Variants in USP13 observed in about 807,000 individuals in gnomAD.
USP13 encodes the protein ubiquitin carboxyl-terminal hydrolase 13.
Under a neutral mutation model 107.8 loss-of-function variants are expected in USP13, and 68 were observed. The observed-to-expected ratio is 0.63, with a 90% CI of 0.52 to 0.77. The LOEUF is 0.77. Ranked by LOEUF, USP13 falls within the 30% of genes least tolerant of loss-of-function variation. The pLI, the probability that USP13 is intolerant of heterozygous loss-of-function variation, is 0.00. For synonymous variants in USP13, 377 were observed against 389.5 expected, an observed-to-expected ratio of 0.97 and a Z score of 0.38; for missense variants, 945 against 1,093.3, an observed-to-expected ratio of 0.86 and a Z score of 1.91.
In USP13 at chr3:179,781,813, A is replaced by G; in HGVS notation, c.2488A>G (p.Lys830Glu). ...MSGHYICHIK[K>E]EGRWVIYNDH... The stretch of plus-strand genomic sequence containing the variant: ...TGGTCATTACATTTGCCATATCAAA[A>G]AGGAAGGAAGGTGAGTCATTTTTAG... Residue 830 changes from lysine (K) to glutamate (E), a missense_variant, in exon 20 of 21, where the codon AAG becomes GAG. Coordinates refer to ENST00000263966, the MANE Select transcript of USP13 (RefSeq NM_003940.3). 6.2e-7 allele frequency: 1 copy of G among 1,613,998 alleles called. No individual in the cohort carries two copies. The highest frequency in any genetic ancestry group is 8.5e-7 in the Non-Finnish European group (1 of 1,179,894).
chr3:179,668,901 T>C (rs1248906736), intron 1 of USP13, among the ~76,000 whole-genome samples: 1 of 152,234 alleles, frequency 6.6e-6, no homozygotes, highest in African/African-American at 2.4e-5. Context: ...AACTCTTGTC[T>C]GGTTTGCTCT....
chr3:179,735,057 T>G (rs1713944358), intron 10 of USP13, among the ~76,000 whole-genome samples: 1 of 152,196 alleles, frequency 6.6e-6, no homozygotes. Flanking sequence ...GTTTTGCAAT[T>G]GCTGATGGAG....
At chr3:179,760,881 A>G (rs747768272) in intron 16 of USP13, among the ~76,000 whole-genome samples, 21 of 152,246 alleles carry the variant, frequency 1.4e-4, no homozygotes, top group African/African-American at 3.4e-4. Context: ...CATTGCTTGC[A>G]TTGTCCAGGT....
chr3:179,771,402 A>C (rs978639010), intron 19 of USP13, among the ~76,000 whole-genome samples: 22 of 152,190 alleles, frequency 1.4e-4, no homozygotes, highest in African/African-American at 4.8e-4. Context: ...GACATCTTCC[A>C]TCCTCTCACC....
intron 1 of USP13, among the ~76,000 whole-genome samples, chr3:179,662,004 T>A (rs1355428897): frequency 6.6e-6 from 1 of 152,190 alleles, no homozygotes; most frequent in African/African-American, 2.4e-5. Flanking sequence ...ACATCCTGAG[T>A]TCCTGAACAT....
At chr3:179,730,360 T>C (rs1174207529) in intron 9 of USP13, 100 bp downstream of exon 9, 27 of 1,230,210 alleles carry the variant, frequency 2.2e-5, no homozygotes, top group Admixed American at 6.8e-5. Context: ...CAATTCTTCA[T>C]GTATTTTTAA....
intron 19 of USP13, among the ~76,000 whole-genome samples, chr3:179,770,030 C>G (rs536328228): frequency 6.6e-6 from 1 of 152,164 alleles, no homozygotes; most frequent in Non-Finnish European, 1.5e-5. Flanking sequence ...TTCCGGTTTC[C>G]CCAACGTTCC....
intron 16 of USP13, among the ~76,000 whole-genome samples, chr3:179,759,538 C>A (rs1714932035): frequency 6.6e-6 from 1 of 152,168 alleles, no homozygotes. Flanking sequence ...GTTTTTGATT[C>A]AATGGTTACA....
chr3:179,755,880 A>G (rs1283647275), intron 15 of USP13, among the ~76,000 whole-genome samples: 1 of 152,218 alleles, frequency 6.6e-6, no homozygotes, highest in African/African-American at 2.4e-5. Flanking sequence ...AGATGAGTCT[A>G]GAAGGAGCAA....
At chr3:179,779,307 G>T (rs532848454) in intron 19 of USP13, among the ~76,000 whole-genome samples, 19 of 152,012 alleles carry the variant, frequency 1.2e-4, no homozygotes, top group African/African-American at 4.1e-4. Flanking sequence ...GCCGAGATGG[G>T]TGGATCATGA....
intron 1 of USP13, among the ~76,000 whole-genome samples, chr3:179,670,391 A>G (rs2108442784): frequency 6.6e-6 from 1 of 152,142 alleles, no homozygotes; most frequent in East Asian, 1.9e-4. Flanking sequence ...GCTCACCCCC[A>G]TGGCCTTCTT....
At position 179,684,270 on chromosome 3, in the gene USP13, TACACACAC is replaced by T. The variant is rs58817778; in HGVS notation, c.294+2303_294+2310del. Among the ~76,000 whole-genome samples the T allele has an allele frequency of 2.1e-3, 245 of 116,020 alleles. 1 individual carries two copies. Among genetic ancestry groups the T allele is most frequent in the African/African-American group, 7.7e-3 (232 of 30,122 alleles). 76.1% of individuals were successfully genotyped at this position (116,020 alleles called of 152,430 possible). On this transcript the variant is annotated intron_variant, in intron 2 of 20. Coordinates refer to ENST00000263966, the MANE Select transcript of USP13 (RefSeq NM_003940.3). ...CACCACGCCTGGCAGTATCACCCTT[TACACACAC>T]ACACACACACACACACACACACACA...
At chr3:179,731,379 G>T (rs1015443825) in intron 10 of USP13, among the ~76,000 whole-genome samples, 1 of 152,144 alleles carries the variant, frequency 6.6e-6, no homozygotes, top group African/African-American at 2.4e-5. Context: ...ACTCCAGCCT[G>T]GGCGACAGAG....
chr3:179,705,914 G>A (rs1313462223), intron 4 of USP13, among the ~76,000 whole-genome samples: 1 of 151,984 alleles, frequency 6.6e-6, no homozygotes, highest in African/African-American at 2.4e-5. Context: ...GTAGAGATAG[G>A]GTTTCACCAC....
chr3:179,740,433 T>C, intron 11 of USP13, 61 bp downstream of exon 11: 2 of 1,606,562 alleles, frequency 1.2e-6, no homozygotes, highest in South Asian at 1.1e-5. Context: ...AGCCACTCAG[T>C]GCAGTCTGCT....
chr3:179,721,717 T>G lies in USP13; in HGVS notation c.1088+128T>G. ...ACATTTTGCCACCTTTTCTCTGGCC[T>G]GCCTTCTACAGAGACTGGGTGAGAA... is the stretch of plus-strand genomic sequence containing the variant. On this transcript the variant is annotated intron_variant, in intron 8 of 20. Transcript: ENST00000263966. This position sits in a 1 kb window ranked among gnomAD's most constrained non-coding sequence, Gnocchi z 4.3. 1.0e-6 allele frequency: 1 copy of G among 986,390 alleles called. No individual in the cohort carries two copies. The highest frequency in any genetic ancestry group is 1.5e-6 in the Non-Finnish European group (1 of 680,866). 61.1% of individuals were successfully genotyped at this position (986,390 alleles called of 1,614,324 possible). A position where few individuals can be genotyped will look rare whatever the true frequency, so the allele number is the denominator to read the frequency against.
chr3:179,721,794 G>A lies in USP13; in HGVS notation c.1088+205G>A, dbSNP rs183346145. ...GTGAGATAAGAAGAGCTTTGTGGCC[G>A]GGCGCAGTGTCTAACGCCTGTAATC... is the stretch of plus-strand genomic sequence containing the variant. On this transcript the variant is annotated intron_variant, in intron 8 of 20. Coordinates refer to ENST00000263966, the MANE Select transcript of USP13 (RefSeq NM_003940.3). The surrounding 1 kb of genome is among the most constrained non-coding windows in gnomAD (Gnocchi z 4.3). Among the ~76,000 whole-genome samples, 49 of 152,222 alleles carry A rather than the reference G, an allele frequency of 3.2e-4. No homozygotes were observed. In the South Asian group the frequency reaches 7.5e-3, roughly 23 times the overall value.
intron 2 of USP13, among the ~76,000 whole-genome samples, chr3:179,685,343 G>C (rs957603324): frequency 2.6e-5 from 4 of 151,732 alleles, no homozygotes; most frequent in African/African-American, 9.7e-5. Flanking sequence ...GCACGATTTT[G>C]GATCTTCTCA....
At position 179,744,941 on chromosome 3, in the gene USP13, G is replaced by A. The variant is rs1343548409; in HGVS notation, c.1535-102G>A. 2.8e-6 allele frequency: 4 copies of A among 1,433,496 alleles called. No individual in the cohort carries two copies. The Admixed American group carries it at 8.3e-5, about 30-fold the overall frequency. The allele number at this position is 1,433,496 out of a possible 1,614,324, so 88.8% of individuals were successfully genotyped here. ...AAAGGGCGACAAATAAGCAACTCTG[G>A]CCCAGCGCAGAAGCCTTCAGGGAAG... On this transcript the variant is annotated intron_variant, in intron 12 of 20. Coordinates refer to ENST00000263966, the MANE Select transcript of USP13 (RefSeq NM_003940.3).
Sources: gnomAD v4.1 joint callset for allele counts (sites outside exome capture counted in the v4.1 genomes callset) on GRCh38, gnomAD v4.1.1 for gene constraint, Gnocchi (gnomAD v3.1) non-coding constraint, MANE v1.5 for transcripts, NCBI Gene and HGNC (gene_info 2026-07-23, HGNC 2026-07-21) for gene names.